Variants in CEP350 observed in about 807,000 individuals in gnomAD.
CEP350 encodes centrosome-associated protein 350.
CEP350 carries 126 observed loss-of-function variants against 331.8 expected under a neutral mutation model. The observed-to-expected ratio is 0.38, with a 90% confidence interval of 0.33 to 0.44. The LOEUF (loss-of-function observed/expected upper bound fraction) is 0.44, where lower values mean the gene tolerates loss of function less well. CEP350 is among the 20% of genes least tolerant of loss of function. The pLI is 1.00. For synonymous variants in CEP350, 1,200 were observed against 1,259.5 expected (o/e 0.95, Z 1.00); for missense variants, 3,406 against 3,634.6 (o/e 0.94, Z 1.62).
At position 180,054,422 on chromosome 1, in the gene CEP350, C is replaced by T. The variant is rs1657692660; in HGVS notation, c.5182C>T (p.Arg1728Ter). 4.4e-6 allele frequency: 7 copies of T among 1,589,388 alleles called. No individual in the cohort carries two copies. The highest frequency in any genetic ancestry group is 6.0e-6 in the Non-Finnish European group (7 of 1,166,908). ...GAAAAATATTATTTGCAGACATCTA[C>T]GAGACAAAGGAGAGGATGATAAAAT... ...AWLEHQKKHL[R>*]DKGEDDKMPP... The change falls in exon 25 of 38, where the codon CGA (arginine) becomes TGA (stop). Residue 1728 changes from arginine to a stop codon, truncating the protein, a stop_gained. Transcript: ENST00000367607. LOFTEE classifies it high-confidence loss of function.
chr1:179,956,625 A>G (rs1343398401), intron 1 of CEP350, among the ~76,000 whole-genome samples: 1 of 152,202 alleles, frequency 6.6e-6, no homozygotes, highest in Non-Finnish European at 1.5e-5. Context: ...AGCAGAAGAA[A>G]GGAGATGAAG....
chr1:180,093,823 A>G lies in CEP350; in HGVS notation c.7718A>G (p.Tyr2573Cys), dbSNP rs1660329405. The G allele has an allele frequency of 1.2e-6, 2 of 1,613,798 alleles. No individual in the cohort carries two copies. Among genetic ancestry groups the G allele is most frequent in the Non-Finnish European group, 1.7e-6 (2 of 1,179,876 alleles). The change falls in exon 34 of 38, where the codon TAT becomes TGT. Residue 2573 changes from tyrosine to cysteine, a missense_variant. By Grantham distance (194) the Tyr-to-Cys change is radical. This residue lies in a region of CEP350 where 1,415 missense variants were observed against 1,512.3 expected (regional missense o/e 0.94). Transcript: ENST00000367607. ...CACATTCCAGAAAACTTTGATGACT[A>G]TGTAGACATTAATGAAGATGAAGAC... ...ISHIPENFDD[Y>C]VDINEDEDCY...
At position 180,093,742 on chromosome 1, in the gene CEP350, C is replaced by A. The variant is rs759277068; in HGVS notation, c.7637C>A (p.Ala2546Glu). The change falls in exon 34 of 38, where the codon GCA (alanine) becomes GAA (glutamate). Residue 2546 changes from alanine to glutamate, a missense_variant. This residue lies in a region of CEP350 where 1,415 missense variants were observed against 1,512.3 expected (regional missense o/e 0.94). Transcript: ENST00000367607. ...GNNNGTYDGIAYFECKEKHGI... is the reference protein window; with the variant it reads ...GNNNGTYDGIEYFECKEKHGI... ...AACAATGGAACATATGATGGTATTG[C>A]ATATTTTGAGTGCAAAGAAAAGCAT... 6.2e-7 allele frequency: 1 copy of A among 1,613,886 alleles called. No homozygotes were observed. The highest frequency in any genetic ancestry group is 1.1e-5 in the South Asian group (1 of 91,078).
intron 37 of CEP350, 147 bp from the exon 38 acceptor site, chr1:180,110,850 G>T: frequency 1.1e-5 from 7 of 623,454 alleles, no homozygotes; most frequent in Non-Finnish European, 1.8e-5. Flanking sequence ...ATTTTAAAAG[G>T]GGTATTGATA....
In CEP350 at chr1:180,095,881, C is replaced by A. The variant is rs1308696421; in HGVS notation, c.8870C>A (p.Ala2957Asp). 2 of 1,612,104 alleles carry A rather than the reference C, an allele frequency of 1.2e-6. No individual in the cohort carries two copies. Among genetic ancestry groups the A allele is most frequent in the South Asian group, 2.2e-5 (2 of 90,828 alleles). Residue 2957 changes from alanine to aspartate, a missense_variant, in exon 35 of 38, where the codon GCC (alanine) becomes GAC (aspartate). Ala to Asp is a moderately radical substitution (Grantham distance 126). Coordinates refer to ENST00000367607, the MANE Select transcript of CEP350 (RefSeq NM_014810.5). ...ISIPTKLLGC[A>D]SKGLDIESTS... ...ATTCCTACAAAACTGCTTGGCTGTG[C>A]CAGTAAAGGTCTAGATATAGAAAGC...
At chr1:179,989,898 C>T (rs1652923815) in intron 3 of CEP350, among the ~76,000 whole-genome samples, 2 of 151,978 alleles carry the variant, frequency 1.3e-5, no homozygotes, top group African/African-American at 4.8e-5. Flanking sequence ...CATATAAAGT[C>T]AGATAATTGG....
chr1:180,063,649 CA>C (rs1658377780), intron 26 of CEP350, among the ~76,000 whole-genome samples: 1 of 151,962 alleles, frequency 6.6e-6, no homozygotes, highest in Non-Finnish European at 1.5e-5. Context: ...CCTAGCTCTA[CA>C]AAAAATATAA....
Position 180,002,302 on chromosome 1 carries a change from C to T in CEP350, c.1019-872C>T, listed in dbSNP as rs368503793. 1.1e-3 allele frequency among the ~76,000 whole-genome samples: 164 copies of T among 152,124 alleles called. 1 individual carries two copies. The highest frequency in any genetic ancestry group is 3.7e-3 in the African/African-American group (155 of 41,486). On this transcript the variant is annotated intron_variant, in intron 6 of 37. Coordinates refer to ENST00000367607, the MANE Select transcript of CEP350 (RefSeq NM_014810.5). ...CAACCTGGCCAACATGGTGAAACTC[C>T]GTCTCTAATAAAAATACAAAAATTA... is the stretch of plus-strand genomic sequence containing the variant.
chr1:179,996,469 A>G, intron 5 of CEP350, 84 bp from the exon 6 acceptor site: 1 of 962,792 alleles, frequency 1.0e-6, no homozygotes, highest in South Asian at 1.8e-5. Context: ...TGTGGTGAGA[A>G]CACTTAAAAT....
intron 37 of CEP350, among the ~76,000 whole-genome samples, chr1:180,106,470 G>C (rs372250519): frequency 6.6e-6 from 1 of 152,280 alleles, no homozygotes; most frequent in South Asian, 2.1e-4. Flanking sequence ...GTCTCCTGTT[G>C]TCTGATATAG....
chr1:180,054,000 G>T, intron 24 of CEP350, 66 bp downstream of exon 24: 1 of 1,280,594 alleles, frequency 7.8e-7, no homozygotes, highest in Non-Finnish European at 1.0e-6. Context: ...TATATTTTAA[G>T]ATTTTTTTGT....
Position 180,104,036 on chromosome 1 carries a change from C to T in CEP350, c.9189+5051C>T, listed in dbSNP as rs1030968001. Among the ~76,000 whole-genome samples, 7 of 140,024 alleles carry T rather than the reference C, an allele frequency of 5.0e-5. No homozygotes were observed. The South Asian group carries it at 1.6e-3, about 31-fold the overall frequency. The allele number at this position is 140,024 out of a possible 152,430, so 91.9% of individuals were successfully genotyped here. ...ACAAATATATATTTTAAAATATATA[C>T]AAAATATATACAAATATATATTTTA... On this transcript the variant is annotated intron_variant, in intron 37 of 37. Coordinates refer to ENST00000367607, the MANE Select transcript of CEP350 (RefSeq NM_014810.5).
chr1:180,106,451 A>T (rs999047453), intron 37 of CEP350, among the ~76,000 whole-genome samples: 3 of 152,160 alleles, frequency 2.0e-5, no homozygotes, highest in Admixed American at 1.3e-4. Flanking sequence ...CTTATAAAAC[A>T]TTAGTATTGT....
At chr1:180,070,699 A>AT (rs1292556904) in intron 27 of CEP350, among the ~76,000 whole-genome samples, 2 of 152,176 alleles carry the variant, frequency 1.3e-5, no homozygotes, top group East Asian at 1.9e-4. Context: ...AACCTCATAG[A>AT]TTTTTTTAAA....
At chr1:180,105,163 AC>A (rs1336744920) in intron 37 of CEP350, among the ~76,000 whole-genome samples, 1 of 151,792 alleles carries the variant, frequency 6.6e-6, no homozygotes, top group Non-Finnish European at 1.5e-5. Flanking sequence ...GTGTTACTTG[AC>A]CCATCAGCAG....
intron 5 of CEP350, among the ~76,000 whole-genome samples, chr1:179,995,914 C>T (rs1653427123): frequency 6.6e-6 from 1 of 152,078 alleles, no homozygotes; most frequent in Admixed American, 6.6e-5. Flanking sequence ...TAATTTGGTT[C>T]CTTATTTAGA....
At chr1:180,029,753 G>T (rs772149839) in intron 14 of CEP350, among the ~76,000 whole-genome samples, 4 of 152,212 alleles carry the variant, frequency 2.6e-5, no homozygotes, top group Admixed American at 6.5e-5. Flanking sequence ...TTGCCATCAT[G>T]ATCACTATCT....
intron 1 of CEP350, chr1:179,968,922 T>A: frequency 4.0e-6 from 3 of 757,430 alleles, no homozygotes; most frequent in Non-Finnish European, 7.2e-6. Flanking sequence ...AGTTTGCTGC[T>A]GCCACTGGAG....
rs753977724 is a variant in CEP350 at position 179,992,261 on chromosome 1, G to A, written c.395+40G>A. On this transcript the variant is annotated intron_variant, in intron 5 of 37. Coordinates refer to ENST00000367607, the MANE Select transcript of CEP350 (RefSeq NM_014810.5). The stretch of plus-strand genomic sequence containing the variant: ...AAAAAAAAGGTATCAAATAGGTTTA[G>A]CCTGTAATATTTACAGTAAGAGTAT... The A allele has an allele frequency of 5.7e-6, 8 of 1,413,508 alleles. No individual in the cohort carries two copies. In the East Asian group the frequency reaches 2.3e-4, roughly 41 times the overall value. 87.6% of individuals were successfully genotyped at this position (1,413,508 alleles called of 1,614,324 possible). A position where few individuals can be genotyped will look rare whatever the true frequency, so the allele number is the denominator to read the frequency against.
Sources: gnomAD v4.1 joint callset for allele counts (sites outside exome capture counted in the v4.1 genomes callset) on GRCh38, gnomAD v4.1.1 for gene constraint, gnomAD v4.1.1 regional missense constraint, MANE v1.5 for transcripts, NCBI Gene and HGNC (gene_info 2026-07-23, HGNC 2026-07-21) for gene names.